The following MARCHF11 variants were observed in gnomAD, a reference collection of about 807,000 sequenced individuals.
The protein encoded by MARCHF11 is E3 ubiquitin-protein ligase MARCHF11.
In MARCHF11, 29 loss-of-function variants were observed where a neutral mutation model predicts 37.3. The observed-to-expected ratio is 0.78, with a 90% confidence interval of 0.58 to 1.06. The LOEUF is 1.06. MARCHF11 is among the 50% of genes least tolerant of loss of function. The pLI, the probability that MARCHF11 is intolerant of heterozygous loss-of-function variation, is 0.00. For missense variants in MARCHF11, 482 were observed against 533.4 expected (o/e 0.90, Z 0.95); for synonymous variants, 233 against 228.0 (o/e 1.02, Z -0.20).
intron 2 of MARCHF11, among the ~76,000 whole-genome samples, chr5:16,164,404 C>T (rs1002972954): frequency 6.6e-6 from 1 of 152,032 alleles, no homozygotes; most frequent in African/African-American, 2.4e-5. Flanking sequence ...ACACCTAACA[C>T]TATAAATCAA....
intron 2 of MARCHF11, among the ~76,000 whole-genome samples, chr5:16,143,489 C>T (rs1280891514): frequency 6.6e-6 from 1 of 152,226 alleles, no homozygotes; most frequent in East Asian, 1.9e-4. Context: ...TCGATATTTT[C>T]CCCATCCAAC....
chr5:16,114,681 G>A (rs1372027015), intron 2 of MARCHF11, among the ~76,000 whole-genome samples: 3 of 151,690 alleles, frequency 2.0e-5, no homozygotes, highest in African/African-American at 4.8e-5. Flanking sequence ...TAAGAGATGA[G>A]GTCTCACTAT....
chr5:16,179,412 G>A lies in MARCHF11; in HGVS notation c.164C>T (p.Ser55Phe), dbSNP rs1044972805. Reference protein sequence around the residue: ...APRYLPPLPASPETPERAAGP... With the variant: ...APRYLPPLPAFPETPERAAGP... ...CGCGGCGCGCTCGGGGGTCTCGGGGGACGCGGGCAGCGGCGGCAGGTAGCG... is the reference window on the plus strand; with the variant it reads ...CGCGGCGCGCTCGGGGGTCTCGGGGAACGCGGGCAGCGGCGGCAGGTAGCG... Residue 55 changes from serine to phenylalanine, a missense_variant, in exon 1 of 4, where the codon TCC becomes TTC. By Grantham distance (155) the Ser-to-Phe change is radical (BLOSUM62 -2). Coordinates refer to ENST00000332432, the MANE Select transcript of MARCHF11 (RefSeq NM_001102562.3). The A allele has an allele frequency of 9.7e-6, 11 of 1,131,162 alleles. No homozygotes were observed. In the African/African-American group the frequency reaches 1.2e-4, roughly 12 times the overall value. 70.1% of individuals were successfully genotyped at this position (1,131,162 alleles called of 1,614,324 possible). A position where few individuals can be genotyped will look rare whatever the true frequency, so the allele number is the denominator to read the frequency against.
chr5:16,111,800 G>A (rs1579388241), intron 2 of MARCHF11, among the ~76,000 whole-genome samples: 1 of 152,160 alleles, frequency 6.6e-6, no homozygotes, highest in East Asian at 1.9e-4. Context: ...AGCCTAGGAG[G>A]AAAAAATGGT....
At chr5:16,172,574 C>T (rs1579427507) in intron 2 of MARCHF11, among the ~76,000 whole-genome samples, 1 of 152,286 alleles carries the variant, frequency 6.6e-6, no homozygotes, top group East Asian at 1.9e-4. Context: ...CCATGAAATG[C>T]AAATGTCTTG....
intron 2 of MARCHF11, among the ~76,000 whole-genome samples, chr5:16,159,031 C>T (rs748476962): frequency 1.3e-5 from 2 of 151,798 alleles, no homozygotes; most frequent in Non-Finnish European, 2.9e-5. Context: ...CTCAATTTAG[C>T]CATTCCACAG....
chr5:16,095,482 A>AAGGG lies in MARCHF11; in HGVS notation c.694-4405_694-4402dup, dbSNP rs142167340. 2.4e-3 allele frequency among the ~76,000 whole-genome samples: 299 copies of AAGGG among 126,850 alleles called. 1 individual carries two copies. Among genetic ancestry groups the AAGGG allele is most frequent in the South Asian group, 4.5e-3 (15 of 3,362 alleles). 83.2% of individuals were successfully genotyped at this position (126,850 alleles called of 152,430 possible). On this transcript the variant is annotated intron_variant, in intron 2 of 3. Coordinates refer to ENST00000332432, the MANE Select transcript of MARCHF11 (RefSeq NM_001102562.3). ...GAAGGAGGGAAGGAAGGAAGGAAGG[A>AAGGG]AGGGAGGGAGGGAGGGAGGGAGGGA...
chr5:16,131,612 A>G (rs1737515935), intron 2 of MARCHF11, among the ~76,000 whole-genome samples: 1 of 152,308 alleles, frequency 6.6e-6, no homozygotes, highest in Non-Finnish European at 1.5e-5. Context: ...CTGTCTTTCA[A>G]TGACCAACTC....
chr5:16,141,103 A>C (rs1293005860), intron 2 of MARCHF11: 1 of 152,466 alleles, frequency 6.6e-6, no homozygotes, highest in Non-Finnish European at 1.5e-5. Context: ...TGTGAGTTGG[A>C]GAATTGTCTA....
chr5:16,102,974 C>T (rs72738260), intron 2 of MARCHF11, among the ~76,000 whole-genome samples: 1,562 of 152,220 alleles, frequency 0.01, 14 homozygotes, highest in Non-Finnish European at 0.017. Context: ...TTAACACCAC[C>T]GATGTAAAAA....
chr5:16,146,321 A>G (rs1737794228), intron 2 of MARCHF11, among the ~76,000 whole-genome samples: 1 of 152,214 alleles, frequency 6.6e-6, no homozygotes, highest in Non-Finnish European at 1.5e-5. Context: ...GTTACTCATC[A>G]GTTAGCTCCC....
At chr5:16,177,030 C>T (rs952103908) in intron 2 of MARCHF11, among the ~76,000 whole-genome samples, 4 of 152,004 alleles carry the variant, frequency 2.6e-5, no homozygotes, top group Non-Finnish European at 4.4e-5. Context: ...AAATTTTAGG[C>T]CTATTTTCCA....
chr5:16,178,269 C>CT (rs1237224166), intron 1 of MARCHF11, among the ~76,000 whole-genome samples: 4 of 152,106 alleles, frequency 2.6e-5, no homozygotes, highest in East Asian at 3.9e-4. Context: ...CGGCATTATG[C>CT]TTTTTTTTCT....
chr5:16,105,892 A>C (rs984175923), intron 2 of MARCHF11, among the ~76,000 whole-genome samples: 1 of 152,170 alleles, frequency 6.6e-6, no homozygotes, highest in African/African-American at 2.4e-5. Context: ...ATAGTCAAAC[A>C]GTGACTTGCT....
At chr5:16,114,775 C>A (rs1737203046) in intron 2 of MARCHF11, among the ~76,000 whole-genome samples, 1 of 151,940 alleles carries the variant, frequency 6.6e-6, no homozygotes, top group Non-Finnish European at 1.5e-5. Context: ...CAGGCATCAG[C>A]CATCATGCCT....
chr5:16,166,130 G>A (rs542111054), intron 2 of MARCHF11, among the ~76,000 whole-genome samples: 5 of 152,042 alleles, frequency 3.3e-5, no homozygotes, highest in African/African-American at 7.2e-5. Context: ...AGTCACTGGC[G>A]GTTCTTCCAG....
At chr5:16,116,368 G>C (rs1737226452) in intron 2 of MARCHF11, among the ~76,000 whole-genome samples, 1 of 152,070 alleles carries the variant, frequency 6.6e-6, no homozygotes, top group Non-Finnish European at 1.5e-5. Context: ...CCAATCCCAT[G>C]CTCTATCTAA....
intron 2 of MARCHF11, among the ~76,000 whole-genome samples, chr5:16,124,696 G>C (rs1018424783): frequency 3.3e-5 from 5 of 151,458 alleles, no homozygotes; most frequent in Non-Finnish European, 5.9e-5. Context: ...CACAGAGAAG[G>C]GTAAAAGATG....
At chr5:16,138,423 A>T (rs1457509854) in intron 2 of MARCHF11, among the ~76,000 whole-genome samples, 5 of 152,230 alleles carry the variant, frequency 3.3e-5, no homozygotes, top group Non-Finnish European at 7.3e-5. Context: ...AGATTTCAGC[A>T]TATGTATGGA....
Sources: gnomAD v4.1 joint callset for allele counts (sites outside exome capture counted in the v4.1 genomes callset) on GRCh38, gnomAD v4.1.1 for gene constraint, MANE v1.5 for transcripts, NCBI Gene and HGNC (gene_info 2026-07-23, HGNC 2026-07-21) for gene names.